Variants in USP50 observed in about 807,000 individuals in gnomAD.
USP50 encodes the protein ubiquitin specific peptidase 50, also known as ubiquitin carboxyl-terminal hydrolase 50.
A neutral mutation model predicts 39.2 loss-of-function variants in USP50; 37 were observed. The observed-to-expected ratio is 0.94, with a 90% CI of 0.73 to 1.24. The LOEUF (loss-of-function observed/expected upper bound fraction) is 1.24. Among genes scored for constraint, USP50 ranks in the 50% most tolerant of loss-of-function variants. The probability of loss-of-function intolerance (pLI) is 0.00; values close to 1 mark genes in which losing one functional copy is unlikely to be tolerated. For synonymous variants in USP50, 139 were observed against 144.5 expected (o/e 0.96, Z 0.27); for missense variants, 374 against 398.2 (o/e 0.94, Z 0.52).
chr15:50,497,365 G>A (rs1299005476), downstream of USP50: 3 of 1,120,410 alleles, frequency 2.7e-6, no homozygotes, highest in Non-Finnish European at 3.6e-6. Context: ...AGTAGATCTA[G>A]GGAAATAAAG....
At chr15:50,495,245 CGTGT>C (rs1245367255) in intron 1 of USP50, among the ~76,000 whole-genome samples, 11 of 54,970 alleles carry the variant, frequency 2.0e-4, no homozygotes, top group African/African-American at 5.7e-4. Flanking sequence ...TATATATATA[CGTGT>C]ATATATACAT....
At chr15:50,518,187 T>C (rs1596010332) in intron 6 of USP50, among the ~76,000 whole-genome samples, 1 of 151,852 alleles carries the variant, frequency 6.6e-6, no homozygotes, top group Non-Finnish European at 1.5e-5. Flanking sequence ...TAAATACATG[T>C]ATTTACAGCC....
rs756104479 is a variant in USP50 at position 50,543,770 on chromosome 15, G to C, written c.272C>G (p.Ala91Gly). 6.2e-7 allele frequency: 1 copy of C among 1,609,132 alleles called. No individual in the cohort carries two copies. The highest frequency in any genetic ancestry group is 2.2e-5 in the East Asian group (1 of 44,838). ...CATGTCTGTCATCAGATAGGCAAAAGCAGTGGCAACTTCACTGCAATCGCT... is the reference window on the plus strand; with the variant it reads ...CATGTCTGTCATCAGATAGGCAAAACCAGTGGCAACTTCACTGCAATCGCT... ...LQNDCSEVAT[A>G]FAYLMTDMWL... Residue 91 changes from alanine to glycine, a missense_variant, in exon 3 of 7, where the codon GCT (alanine) becomes GGT (glycine). Transcript: ENST00000532404.
At chr15:50,498,723 G>C, downstream of USP50, 2 of 1,605,430 alleles carry the variant, frequency 1.2e-6, no homozygotes, top group Non-Finnish European at 1.7e-6. Flanking sequence ...TTTGTTTTCT[G>C]TTTCAGTAAG....
chr15:50,497,704 TAGAA>T (rs1285585935), downstream of USP50: 2 of 152,208 alleles, frequency 1.3e-5, no homozygotes, highest in Non-Finnish European at 2.9e-5. Flanking sequence ...AGTCCTATAA[TAGAA>T]GGAATAATGA....
intron 6 of USP50, chr15:50,507,440 G>A (rs7161797): frequency 2.6e-5 from 4 of 152,270 alleles, no homozygotes; most frequent in Non-Finnish European, 5.9e-5. Context: ...TCAACTTGTC[G>A]TAGGTAGATA....
intron 5 of USP50, among the ~76,000 whole-genome samples, chr15:50,531,747 C>G (rs2052942156): frequency 1.3e-5 from 2 of 152,160 alleles, no homozygotes; most frequent in Non-Finnish European, 2.9e-5. Flanking sequence ...CAATTTTGAA[C>G]AATTTGAACA....
chr15:50,535,991 A>G (rs2052976985), intron 5 of USP50, among the ~76,000 whole-genome samples: 1 of 152,232 alleles, frequency 6.6e-6, no homozygotes, highest in African/African-American at 2.4e-5. Flanking sequence ...TCAACTTAAT[A>G]AAGAATGTCT....
chr15:50,527,150 GATC>G (rs2052904622), intron 6 of USP50, among the ~76,000 whole-genome samples: 1 of 152,134 alleles, frequency 6.6e-6, no homozygotes, highest in East Asian at 1.9e-4. Context: ...ACCACAGAGG[GATC>G]ATATTAAAAT....
intron 6 of USP50, among the ~76,000 whole-genome samples, chr15:50,516,783 A>T (rs1185515325): frequency 3.9e-5 from 6 of 152,072 alleles, no homozygotes; most frequent in Non-Finnish European, 8.8e-5. Context: ...ACAGAGTGGT[A>T]GACAAAACAG....
chr15:50,525,622 GTATATGTATAT>G (rs2052887244), intron 6 of USP50, among the ~76,000 whole-genome samples: 1 of 130,478 alleles, frequency 7.7e-6, no homozygotes, highest in Non-Finnish European at 1.6e-5. Context: ...ATGTATATAT[GTATATGTATAT>G]ATGTATATGT....
At chr15:50,531,103 G>A (rs989779201) in intron 5 of USP50, among the ~76,000 whole-genome samples, 1 of 152,078 alleles carries the variant, frequency 6.6e-6, no homozygotes, top group African/African-American at 2.4e-5. Context: ...GCTGATGGAG[G>A]TCTGAGGCCG....
intron 5 of USP50, among the ~76,000 whole-genome samples, chr15:50,537,371 T>C (rs1395376329): frequency 6.6e-6 from 1 of 151,498 alleles, no homozygotes; most frequent in Non-Finnish European, 1.5e-5. Flanking sequence ...CTGGAGAAAA[T>C]CTAGATAATC....
chr15:50,523,303 G>A (rs1487979351), intron 6 of USP50, among the ~76,000 whole-genome samples: 4 of 148,700 alleles, frequency 2.7e-5, no homozygotes, highest in Non-Finnish European at 5.9e-5. Flanking sequence ...ATCAGCCTCT[G>A]GAGTAGCAGG....
chr15:50,519,906 A>G (rs1398792817), intron 6 of USP50, among the ~76,000 whole-genome samples: 4 of 152,208 alleles, frequency 2.6e-5, no homozygotes, highest in African/African-American at 7.2e-5. Context: ...TAGAACTATT[A>G]TATGATCCAG....
intron 5 of USP50, among the ~76,000 whole-genome samples, chr15:50,533,096 A>C (rs967221526): frequency 6.6e-6 from 1 of 151,776 alleles, no homozygotes; most frequent in East Asian, 1.9e-4. Context: ...GCTTGAGCCC[A>C]GGAGTTTGAG....
At chr15:50,509,357 T>A (rs369994193) in intron 6 of USP50, 1 of 148,720 alleles carries the variant, frequency 6.7e-6, no homozygotes, top group East Asian at 2.1e-4. Context: ...ATTTAGAGAA[T>A]AAGAGACAAG....
At chr15:50,499,255 A>G (rs2052527951), downstream of USP50, 1 of 527,702 alleles carries the variant, frequency 1.9e-6, no homozygotes, top group Non-Finnish European at 3.0e-6. Context: ...GACAAATAAC[A>G]TTTAACAAGT....
At chr15:50,530,031 G>A in intron 5 of USP50, 102 bp from the exon 6 acceptor site, 1 of 1,493,984 alleles carries the variant, frequency 6.7e-7, no homozygotes, top group Non-Finnish European at 9.1e-7. Flanking sequence ...TCTTGACTGG[G>A]CACAGTGGCT....
Sources: gnomAD v4.1 joint callset for allele counts (sites outside exome capture counted in the v4.1 genomes callset) on GRCh38, gnomAD v4.1.1 for gene constraint, MANE v1.5 for transcripts, NCBI Gene and HGNC (gene_info 2026-07-23, HGNC 2026-07-21) for gene names.